UGT1A7: variants seen among roughly 807,000 people sequenced by gnomAD.
The protein encoded by UGT1A7 is UDP glucuronosyltransferase family 1 member A7, also known as UDP-glucuronosyltransferase 1A7.
A neutral mutation model predicts 45.6 loss-of-function variants in UGT1A7; 33 were observed. The observed-to-expected ratio is 0.72, with a 90% CI of 0.55 to 0.97. UGT1A7 has a LOEUF of 0.97. Among genes scored for constraint, UGT1A7 ranks in the 50% least tolerant of loss-of-function variants. UGT1A7 has a pLI of 0.00. For missense variants in UGT1A7, 684 were observed against 666.2 expected, an observed-to-expected ratio of 1.03 and a Z score of -0.29; for synonymous variants, 274 against 250.6, an observed-to-expected ratio of 1.09 and a Z score of -0.88.
Position 233,769,609 on chromosome 2 carries a change from C to T in UGT1A7, c.1295+1170C>T, listed in dbSNP as rs776582226. The T allele has an allele frequency of 3.7e-6, 6 of 1,612,752 alleles. No individual in the cohort carries two copies. Among genetic ancestry groups the T allele is most frequent in the Non-Finnish European group, 5.1e-6 (6 of 1,179,862 alleles). On this transcript the variant is annotated intron_variant, in intron 4 of 4. Transcript: ENST00000373426. The surrounding 1 kb of genome is among the most constrained non-coding windows in gnomAD (Gnocchi z 4.4). ...AGAGGAGACGGAACACGGGGACACACCAGCTTGAGCAAGGGACAACAGGGG... is the reference window on the plus strand; with the variant it reads ...AGAGGAGACGGAACACGGGGACACATCAGCTTGAGCAAGGGACAACAGGGG...
At chr2:233,758,802 A>G (rs1160659282) in intron 1 of UGT1A7, among the ~76,000 whole-genome samples, 1 of 152,232 alleles carries the variant, frequency 6.6e-6, no homozygotes, top group Non-Finnish European at 1.5e-5. Flanking sequence ...TTGGAATTGT[A>G]TAGTACAGCA....
chr2:233,719,031 G>A, intron 1 of UGT1A7: 3 of 1,614,284 alleles, frequency 1.9e-6, no homozygotes, highest in East Asian at 2.2e-5. Flanking sequence ...GCACATCAAA[G>A]AAGAGAAATT....
intron 1 of UGT1A7, chr2:233,760,643 ACT>A: frequency 6.2e-7 from 1 of 1,614,148 alleles, no homozygotes; most frequent in Non-Finnish European, 8.5e-7. Context: ...ATAAAAAAGG[ACT>A]CTGCTATGCT....
At chr2:233,732,713 G>A (rs556397438) in intron 1 of UGT1A7, among the ~76,000 whole-genome samples, 41 of 149,102 alleles carry the variant, frequency 2.7e-4, no homozygotes, top group African/African-American at 1.0e-3. Flanking sequence ...CTGTAGCCTT[G>A]TAGTACAGTT....
intron 1 of UGT1A7, among the ~76,000 whole-genome samples, chr2:233,763,888 CT>C (rs1451970704): frequency 2.0e-5 from 3 of 152,126 alleles, no homozygotes; most frequent in Non-Finnish European, 1.5e-5. Flanking sequence ...AGAAAAATAA[CT>C]AAACAGAAGA....
intron 1 of UGT1A7, chr2:233,739,100 G>A (rs1263190228): frequency 1.3e-5 from 2 of 152,274 alleles, no homozygotes; most frequent in African/African-American, 4.8e-5. Flanking sequence ...TCGATGTGGT[G>A]TTGGGCCTGC....
chr2:233,716,324 A>G (rs1170478675), intron 1 of UGT1A7, among the ~76,000 whole-genome samples: 4 of 152,226 alleles, frequency 2.6e-5, no homozygotes, highest in Non-Finnish European at 5.9e-5. Flanking sequence ...AATGGAATAT[A>G]TTCCCAGGTT....
intron 1 of UGT1A7, among the ~76,000 whole-genome samples, chr2:233,766,036 G>T (rs1393520685): frequency 6.6e-6 from 1 of 152,138 alleles, no homozygotes; most frequent in Non-Finnish European, 1.5e-5. Context: ...GCCCTCTATA[G>T]TCAGCTTGTG....
chr2:233,720,342 T>A (rs2076852802), intron 1 of UGT1A7, among the ~76,000 whole-genome samples: 1 of 152,074 alleles, frequency 6.6e-6, no homozygotes, highest in African/African-American at 2.4e-5. Context: ...TTGGAAGGTA[T>A]GGTGATGGTT....
At chr2:233,717,873 G>A (rs1268919584) in intron 1 of UGT1A7, 4 of 454,746 alleles carry the variant, frequency 8.8e-6, no homozygotes, top group African/African-American at 2.0e-5. Flanking sequence ...TTGACTTGGA[G>A]AAAAGCCTGG....
intron 1 of UGT1A7, among the ~76,000 whole-genome samples, chr2:233,738,562 T>C (rs1039423006): frequency 6.6e-6 from 1 of 152,186 alleles, no homozygotes; most frequent in African/African-American, 2.4e-5. Context: ...AGATGAGGAA[T>C]CTGTTGAGAA....
rs1425669197 is a variant in UGT1A7 at position 233,693,475 on chromosome 2, G to A, written c.855+10683G>A. The A allele has an allele frequency of 6.8e-6, 11 of 1,614,046 alleles. No individual in the cohort carries two copies. The Admixed American group carries it at 1.0e-4, about 15-fold the overall frequency. On this transcript the variant is annotated intron_variant, in intron 1 of 4. Coordinates refer to ENST00000373426, the MANE Select transcript of UGT1A7 (RefSeq NM_019077.3). ...CAGACCCAGCCTTACCCTGTGGGGTGATCCTGGCTGAGTATTTGGGCCTAC... is the reference window on the plus strand; with the variant it reads ...CAGACCCAGCCTTACCCTGTGGGGTAATCCTGGCTGAGTATTTGGGCCTAC...
intron 1 of UGT1A7, among the ~76,000 whole-genome samples, chr2:233,697,374 A>G (rs1382201272): frequency 6.6e-6 from 1 of 152,066 alleles, no homozygotes; most frequent in Non-Finnish European, 1.5e-5. Context: ...TATAGAGTTC[A>G]CAATAATCGC....
chr2:233,772,116 AAACAAC>A, intron 4 of UGT1A7, 140 bp from the exon 5 acceptor site: 1 of 1,531,302 alleles, frequency 6.5e-7, no homozygotes, highest in Non-Finnish European at 8.8e-7. Context: ...CTGTATCTAA[AAACAAC>A]AACAACAACA....
At chr2:233,721,760 T>C in intron 1 of UGT1A7, 1 of 468,990 alleles carries the variant, frequency 2.1e-6, no homozygotes, top group South Asian at 1.6e-5. Context: ...ACATCTAAAT[T>C]GTTATATTTA....
chr2:233,688,214 G>A (rs1164315622), intron 1 of UGT1A7, among the ~76,000 whole-genome samples: 3 of 152,134 alleles, frequency 2.0e-5, no homozygotes, highest in South Asian at 2.1e-4. Flanking sequence ...TAGTTTTGTG[G>A]CTTATCCATG....
chr2:233,692,059 G>A (rs2075075325), intron 1 of UGT1A7: 1 of 152,180 alleles, frequency 6.6e-6, no homozygotes, highest in Non-Finnish European at 1.5e-5. Context: ...CGATTAGAGG[G>A]AAGAAAGGAG....
chr2:233,741,310 C>A (rs184999730), intron 1 of UGT1A7, among the ~76,000 whole-genome samples: 1 of 151,634 alleles, frequency 6.6e-6, no homozygotes, highest in Admixed American at 6.5e-5. Flanking sequence ...AGATACACAC[C>A]AACTCATTCT....
intron 1 of UGT1A7, among the ~76,000 whole-genome samples, chr2:233,697,370 G>C (rs1402233705): frequency 2.6e-5 from 4 of 152,046 alleles, no homozygotes; most frequent in Non-Finnish European, 2.9e-5. Context: ...GGCATATAGA[G>C]TTCACAATAA....
Sources: allele counts gnomAD v4.1 joint callset (sites outside exome capture counted in the v4.1 genomes callset), GRCh38; gene constraint gnomAD v4.1.1; non-coding constraint Gnocchi (gnomAD v3.1); transcripts MANE v1.5; gene names NCBI Gene and HGNC (gene_info 2026-07-23, HGNC 2026-07-21).